The following TXNDC16 variants were observed in gnomAD, a reference collection of about 807,000 sequenced individuals.
The protein encoded by TXNDC16 is thioredoxin domain containing 16, also known as thioredoxin domain-containing protein 16.
TXNDC16 carries 74 observed loss-of-function variants against 85.6 expected under a neutral mutation model. That is an observed-to-expected ratio of 0.86 (90% CI 0.72 to 1.05). The LOEUF (loss-of-function observed/expected upper bound fraction) is 1.05, where lower values mean the gene tolerates loss of function less well. TXNDC16 is among the 50% of genes least tolerant of loss of function. The pLI, the probability that TXNDC16 is intolerant of heterozygous loss-of-function variation, is 0.00. For missense variants in TXNDC16, 959 were observed against 947.0 expected (o/e 1.01, Z -0.17); for synonymous variants, 335 against 326.5 (o/e 1.03, Z -0.28).
chr14:52,491,307 G>A (rs961875802), intron 9 of TXNDC16, among the ~76,000 whole-genome samples: 2 of 149,038 alleles, frequency 1.3e-5, no homozygotes, highest in Non-Finnish European at 3.0e-5. Flanking sequence ...TCAGCCTCCC[G>A]AGTAGCTGAG....
intron 13 of TXNDC16, 100 bp from the exon 14 acceptor site, chr14:52,482,389 T>C (rs747422642): frequency 1.2e-4 from 119 of 968,870 alleles, no homozygotes; most frequent in Admixed American, 2.3e-4. Context: ...TTTCCCAAAA[T>C]TATTGTTAAT....
rs2034891174 is a variant in TXNDC16 at position 52,431,380 on chromosome 14, T to C, written c.*924A>G. On this transcript the variant is annotated 3_prime_UTR_variant, in exon 21 of 21. Transcript: ENST00000281741. ...TTAAGACTCACTTAAAATATAAATA[T>C]CATTCTGAGTCCTCTTCTAGGGTTA... The C allele has an allele frequency of 1.3e-5, 2 of 152,178 alleles. No individual in the cohort carries two copies. Among genetic ancestry groups the C allele is most frequent in the Non-Finnish European group, 2.9e-5 (2 of 68,036 alleles). The allele number at this position is 152,178 out of a possible 1,614,324, so 9.4% of individuals were successfully genotyped here.
intron 6 of TXNDC16, among the ~76,000 whole-genome samples, chr14:52,535,662 G>A (rs1279382940): frequency 6.6e-6 from 1 of 152,034 alleles, no homozygotes; most frequent in Non-Finnish European, 1.5e-5. Flanking sequence ...CTTAATTCAG[G>A]GGAAGAGTCC....
At chr14:52,474,908 A>C (rs1253940211) in intron 14 of TXNDC16, among the ~76,000 whole-genome samples, 1 of 152,168 alleles carries the variant, frequency 6.6e-6, no homozygotes, top group Non-Finnish European at 1.5e-5. Context: ...ATACATTAGG[A>C]AAGCCAAAAG....
chr14:52,465,029 T>G (rs1594700354), intron 16 of TXNDC16, among the ~76,000 whole-genome samples: 1 of 152,234 alleles, frequency 6.6e-6, no homozygotes, highest in East Asian at 1.9e-4. Context: ...ATATTCTTAT[T>G]ATTTATTTTT....
At chr14:52,459,358 C>T (rs2035603940) in intron 16 of TXNDC16, among the ~76,000 whole-genome samples, 1 of 152,062 alleles carries the variant, frequency 6.6e-6, no homozygotes, top group African/African-American at 2.4e-5. Flanking sequence ...ATACACACTA[C>T]CAAGACTGAA....
intron 9 of TXNDC16, among the ~76,000 whole-genome samples, chr14:52,504,613 A>C (rs1198092146): frequency 6.6e-6 from 1 of 152,252 alleles, no homozygotes; most frequent in Non-Finnish European, 1.5e-5. Context: ...CCACTGCAAA[A>C]ACATTCCAAA....
rs2034914424 is a variant in TXNDC16, at chr14:52,432,196, A to G, written c.*108T>C. 1.1e-6 allele frequency: 1 copy of G among 902,082 alleles called. No individual in the cohort carries two copies. The highest frequency in any genetic ancestry group is 2.4e-5 in the South Asian group (1 of 40,948). 55.9% of individuals were successfully genotyped at this position (902,082 alleles called of 1,614,324 possible). A position where few individuals can be genotyped will look rare whatever the true frequency, so the allele number is the denominator to read the frequency against. On this transcript the variant is annotated 3_prime_UTR_variant, in exon 21 of 21. Transcript: ENST00000281741. ...AATATGTGACTTATATTATAATTCT[A>G]TTGGATGGCACTAGTCTGCAAACTT... is the stretch of plus-strand genomic sequence containing the variant.
chr14:52,522,567 T>G (rs1417828782), intron 6 of TXNDC16, among the ~76,000 whole-genome samples: 1 of 152,206 alleles, frequency 6.6e-6, no homozygotes, highest in Non-Finnish European at 1.5e-5. Context: ...CAGTAACAGC[T>G]GGCTTCAAAG....
intron 6 of TXNDC16, among the ~76,000 whole-genome samples, chr14:52,535,695 T>C (rs909722269): frequency 1.3e-5 from 2 of 152,124 alleles, no homozygotes; most frequent in African/African-American, 4.8e-5. Flanking sequence ...CAGATAGACC[T>C]AAATACCAGG....
chr14:52,444,441 T>C (rs1228571517), intron 18 of TXNDC16, among the ~76,000 whole-genome samples: 3 of 152,158 alleles, frequency 2.0e-5, no homozygotes, highest in African/African-American at 7.2e-5. Context: ...CTTCATACCA[T>C]AATAAAAAAT....
At chr14:52,518,582 C>T (rs1386098479) in intron 7 of TXNDC16, among the ~76,000 whole-genome samples, 1 of 152,164 alleles carries the variant, frequency 6.6e-6, no homozygotes, top group East Asian at 1.9e-4. Context: ...CCACTGCCAT[C>T]ACCCTGGTCC....
intron 14 of TXNDC16, 142 bp downstream of exon 14, chr14:52,482,088 C>G: frequency 3.0e-6 from 2 of 656,710 alleles, no homozygotes; most frequent in East Asian, 5.8e-5. Flanking sequence ...CTTGAAACTC[C>G]TGGTTCATTA....
intron 6 of TXNDC16, among the ~76,000 whole-genome samples, chr14:52,533,306 A>C (rs2037625602): frequency 6.6e-6 from 1 of 152,200 alleles, no homozygotes; most frequent in Admixed American, 6.5e-5. Context: ...AGAATTAACA[A>C]GTTTGTAGTT....
chr14:52,457,981 A>G (rs17253082), intron 16 of TXNDC16, among the ~76,000 whole-genome samples: 1,624 of 152,318 alleles, frequency 0.011, 12 homozygotes, highest in Admixed American at 0.017. Context: ...CAATTCATAC[A>G]TGAAAGATTC....
intron 6 of TXNDC16, among the ~76,000 whole-genome samples, chr14:52,534,121 T>C (rs1384058271): frequency 6.6e-6 from 1 of 152,174 alleles, no homozygotes; most frequent in African/African-American, 2.4e-5. Flanking sequence ...ATAAGGATTT[T>C]GGCCTACAGC....
rs780292454 is a variant in TXNDC16, at chr14:52,511,304, A to G, written c.692T>C (p.Met231Thr). 16 of 1,609,074 alleles carry G rather than the reference A, an allele frequency of 9.9e-6. No homozygotes were observed. In the East Asian group the frequency reaches 3.4e-4, roughly 34 times the overall value. The stretch of plus-strand genomic sequence containing the variant: ...GTTCAGTGTAGTCAATGGCTGTTCC[A>G]TTAGTGTTCTTCTACATTGCTGGGT... ...DLTQQCRRTLMEQPLTTLNIH... is the reference protein window; with the variant it reads ...DLTQQCRRTLTEQPLTTLNIH... The change falls in exon 9 of 21, where the codon ATG (methionine) becomes ACG (threonine). Residue 231 changes from methionine to threonine, a missense_variant. Transcript: ENST00000281741.
rs967555356 is a variant in TXNDC16, at chr14:52,448,013, G to GA, written c.1843-7290dup. Reference sequence around the variant, plus strand: ...CAGTCAGAGGAAACAAAAGAAAAATGAAAAAAAAAAACAATGAAGCAGGCC... The same window carrying GA: ...CAGTCAGAGGAAACAAAAGAAAAATGAAAAAAAAAAAACAATGAAGCAGGCC... On this transcript the variant is annotated intron_variant, in intron 18 of 20. Transcript: ENST00000281741. 9.1e-3 allele frequency among the ~76,000 whole-genome samples: 1,221 copies of GA among 134,834 alleles called. 8 individuals are homozygous for GA. The highest frequency in any genetic ancestry group is 0.024 in the African/African-American group (881 of 36,842). 88.5% of individuals were successfully genotyped at this position (134,834 alleles called of 152,430 possible). A position where few individuals can be genotyped will look rare whatever the true frequency, so the allele number is the denominator to read the frequency against.
intron 3 of TXNDC16, 99 bp from the exon 4 acceptor site, chr14:52,542,552 T>A (rs1425539079): frequency 1.3e-6 from 1 of 744,432 alleles, no homozygotes; most frequent in Non-Finnish European, 2.3e-6. Context: ...CCAACTAGCA[T>A]GCAACAACAA....
Sources: gnomAD v4.1 joint callset for allele counts (sites outside exome capture counted in the v4.1 genomes callset) on GRCh38, gnomAD v4.1.1 for gene constraint, MANE v1.5 for transcripts, NCBI Gene and HGNC (gene_info 2026-07-23, HGNC 2026-07-21) for gene names.